MBP: variants seen among roughly 807,000 people sequenced by gnomAD.
The protein encoded by MBP is myelin basic protein.
MBP carries 16 observed loss-of-function variants against 35.8 expected under a neutral mutation model. The ratio of observed to expected loss-of-function variants is 0.45; its 90% CI spans 0.30 to 0.68. The LOEUF is 0.68. MBP is among the 30% of genes least tolerant of loss of function. MBP has a pLI of 0.08. For missense variants in MBP, 380 were observed against 404.7 expected (o/e 0.94, Z 0.52); for synonymous variants, 143 against 159.6 (o/e 0.90, Z 0.78).
chr18:77,074,352 G>A (rs1333283106), intron 2 of MBP, among the ~76,000 whole-genome samples: 2 of 151,530 alleles, frequency 1.3e-5, no homozygotes, highest in African/African-American at 2.4e-5. Context: ...GTCTCAAGGG[G>A]GTTCAGTGAG....
At chr18:77,015,408 T>C in intron 4 of MBP, 7 of 985,460 alleles carry the variant, frequency 7.1e-6, no homozygotes, top group Non-Finnish European at 8.4e-6. Context: ...GTTTGATAGC[T>C]GGGCTTGAAA....
intron 2 of MBP, among the ~76,000 whole-genome samples, chr18:77,085,586 A>G (rs1308202730): frequency 6.6e-6 from 1 of 152,024 alleles, no homozygotes; most frequent in Non-Finnish European, 1.5e-5. Flanking sequence ...ACTGTCATTC[A>G]TCTTCTGATT....
chr18:77,058,875 T>C (rs920959743), intron 3 of MBP, among the ~76,000 whole-genome samples: 1 of 152,186 alleles, frequency 6.6e-6, no homozygotes, highest in African/African-American at 2.4e-5. Flanking sequence ...AAGTTTACCG[T>C]TTCCAAATGT....
In MBP at chr18:77,067,593, G is replaced by A. The variant is rs553550009; in HGVS notation, c.52-1208C>T. ...AGGAGTATTTCTGGAGGAGGAATGA[G>A]TCACACTGGAGCTTTCACTGAGCGG... On this transcript the variant is annotated intron_variant, in intron 2 of 8. Transcript: ENST00000355994. Among the ~76,000 whole-genome samples the A allele has an allele frequency of 1.2e-4, 19 of 152,320 alleles. No homozygotes were observed. The East Asian group carries it at 3.1e-3, about 25-fold the overall frequency.
intron 3 of MBP, among the ~76,000 whole-genome samples, chr18:77,053,508 G>A (rs1973594442): frequency 6.6e-6 from 1 of 152,242 alleles, no homozygotes; most frequent in South Asian, 2.1e-4. Flanking sequence ...CATTTCTATA[G>A]TGTGCACCCC....
At position 77,046,292 on chromosome 18, in the gene MBP, C is replaced by T. The variant is rs374049335; in HGVS notation, c.139+20006G>A. Among the ~76,000 whole-genome samples the T allele has an allele frequency of 1.4e-4, 22 of 152,194 alleles. 1 individual carries two copies. The highest frequency in any genetic ancestry group is 9.6e-4 in the East Asian group (5 of 5,200). On this transcript the variant is annotated intron_variant, in intron 3 of 8. Transcript: ENST00000355994. ...ATTCTCAGGCACGGAAGCTTACTCC[C>T]GCATTAGCAAGATACCCAGTTTTGT...
intron 8 of MBP, chr18:76,984,570 G>A (rs12970928): frequency 0.27 from 173,998 of 648,200 alleles, 25,731 homozygotes; most frequent in East Asian, 0.43. Context: ...AAGCACCTCC[G>A]GCTTCACATG....
chr18:77,016,857 C>A lies in MBP; in HGVS notation c.551G>T (p.Gly184Val), dbSNP rs745602507. ...SIGRFFGGDR[G>V]APKRGSGKDS... ...CTTGCCAGAGCCCCGCTTGGGCGCA[C>A]CCCTGTCACCGCCAAAGAAGCGCCC... The change falls in exon 4 of 9, where the codon GGT becomes GTT. Residue 184 changes from glycine to valine, a missense_variant. Physicochemically the swap from Gly to Val is moderately radical, Grantham distance 109. Transcript: ENST00000355994. 3 of 1,614,220 alleles carry A rather than the reference C, an allele frequency of 1.9e-6. No individual in the cohort carries two copies. Among genetic ancestry groups the A allele is most frequent in the Non-Finnish European group, 2.5e-6 (3 of 1,180,052 alleles).
intron 7 of MBP, chr18:76,986,416 G>A: frequency 5.1e-6 from 5 of 985,522 alleles, no homozygotes; most frequent in Non-Finnish European, 6.0e-6. Context: ...GAGGCCTCAA[G>A]GCTTCCAGAG....
At chr18:77,066,605 G>C in intron 2 of MBP, 1 of 743,570 alleles carries the variant, frequency 1.3e-6, no homozygotes. Flanking sequence ...GCACTTTCTG[G>C]ACCCAGTTGG....
At chr18:77,091,392 A>C (rs1045288055) in intron 2 of MBP, among the ~76,000 whole-genome samples, 13 of 152,198 alleles carry the variant, frequency 8.5e-5, no homozygotes, top group Non-Finnish European at 1.8e-4. Flanking sequence ...CAGAAATGTA[A>C]TATTGAATTT....
rs1364290725 is a variant in MBP, at chr18:77,029,082, C to G, written c.140-11814G>C. Among the ~76,000 whole-genome samples the G allele has an allele frequency of 5.3e-4, 53 of 100,232 alleles. 17 individuals carry two copies. In the Middle Eastern group the frequency reaches 0.022, roughly 41 times the overall value. 65.8% of individuals were successfully genotyped at this position (100,232 alleles called of 152,430 possible). A position where few individuals can be genotyped will look rare whatever the true frequency, so the allele number is the denominator to read the frequency against. On this transcript the variant is annotated intron_variant, in intron 3 of 8. Coordinates refer to ENST00000355994, the MANE Select transcript of MBP (RefSeq NM_001025101.2). ...GGCGGCTGGGAGGTGGAGGTTGTAG[C>G]GAGCCGAGATCTCGCCACTGCACCC...
At chr18:77,001,719 G>A (rs539788218) in intron 4 of MBP, among the ~76,000 whole-genome samples, 15 of 152,084 alleles carry the variant, frequency 9.9e-5, no homozygotes, top group Non-Finnish European at 1.8e-4. Context: ...GCGTGGTGGC[G>A]GACACCTGTA....
chr18:76,991,295 G>T (rs1446939476), intron 4 of MBP, among the ~76,000 whole-genome samples: 2 of 152,150 alleles, frequency 1.3e-5, no homozygotes, highest in African/African-American at 2.4e-5. Context: ...AACACTCCAG[G>T]TCACTAGAGA....
intron 4 of MBP, among the ~76,000 whole-genome samples, chr18:77,011,620 A>G (rs529309745): frequency 6.6e-6 from 1 of 152,352 alleles, no homozygotes; most frequent in South Asian, 2.1e-4. Context: ...AGGAAGAGGG[A>G]GGACAAATGC....
In MBP at chr18:76,985,401, G is replaced by T. The variant is rs763173803; in HGVS notation, c.751-507C>A. 2.1e-5 allele frequency: 26 copies of T among 1,232,944 alleles called. No individual in the cohort carries two copies. The African/African-American group carries it at 2.7e-4, about 13-fold the overall frequency. The allele number at this position is 1,232,944 out of a possible 1,614,324, so 76.4% of individuals were successfully genotyped here. A position where few individuals can be genotyped will look rare whatever the true frequency, so the allele number is the denominator to read the frequency against. On this transcript the variant is annotated intron_variant, in intron 7 of 8. Coordinates refer to ENST00000355994, the MANE Select transcript of MBP (RefSeq NM_001025101.2). ...ATTGATTTGCACAGATTGGATTCTGGTCACATGTGCCCTGTGGTTCTAGGA... is the reference window on the plus strand; with the variant it reads ...ATTGATTTGCACAGATTGGATTCTGTTCACATGTGCCCTGTGGTTCTAGGA...
intron 4 of MBP, among the ~76,000 whole-genome samples, chr18:77,009,217 T>C (rs570164851): frequency 6.6e-5 from 10 of 152,334 alleles, no homozygotes; most frequent in African/African-American, 2.4e-4. Flanking sequence ...TCCTCCTGGC[T>C]GTCCTCTTCT....
intron 1 of MBP, among the ~76,000 whole-genome samples, chr18:77,111,783 C>T (rs1440279296): frequency 1.3e-5 from 2 of 152,214 alleles, no homozygotes; most frequent in African/African-American, 4.8e-5. Context: ...CCCTAGAACA[C>T]GGACAGTGAC....
chr18:77,117,067 A>C (rs1202311922), intron 1 of MBP, among the ~76,000 whole-genome samples: 2 of 152,200 alleles, frequency 1.3e-5, no homozygotes, highest in Non-Finnish European at 2.9e-5. Flanking sequence ...GACCTCCTTC[A>C]AAAGGCTAGA....
Sources: allele counts gnomAD v4.1 joint callset (sites outside exome capture counted in the v4.1 genomes callset), GRCh38; gene constraint gnomAD v4.1.1; transcripts MANE v1.5; gene names NCBI Gene and HGNC (gene_info 2026-07-23, HGNC 2026-07-21).